The following STIM1 variants were observed in gnomAD, a reference collection of about 807,000 sequenced individuals.
STIM1 encodes the protein stromal interaction molecule 1.
Under a neutral mutation model 74.7 loss-of-function variants are expected in STIM1, and 25 were observed. That is an observed-to-expected ratio of 0.33 (90% CI 0.24 to 0.47). STIM1 has a LOEUF of 0.47. Ranked by LOEUF, STIM1 falls within the 20% of genes least tolerant of loss-of-function variation. The pLI is 1.00. For synonymous variants in STIM1, 328 were observed against 348.8 expected (o/e 0.94, Z 0.66); for missense variants, 728 against 920.8 (o/e 0.79, Z 2.71).
intron 4 of STIM1, among the ~76,000 whole-genome samples, chr11:4,057,509 C>G (rs2094299188): frequency 6.6e-6 from 1 of 152,158 alleles, no homozygotes; most frequent in Non-Finnish European, 1.5e-5. Flanking sequence ...CATTCTCTGG[C>G]TTTGCCACTT....
chr11:4,083,010 C>T, intron 9 of STIM1, 28 bp downstream of exon 9: 1 of 1,579,040 alleles, frequency 6.3e-7, no homozygotes, highest in Non-Finnish European at 8.7e-7. Flanking sequence ...TCTACTCTGG[C>T]AATGTCCATA....
intron 7 of STIM1, among the ~76,000 whole-genome samples, chr11:4,080,648 G>A (rs750536285): frequency 6.6e-6 from 1 of 151,780 alleles, no homozygotes; most frequent in Non-Finnish European, 1.5e-5. Flanking sequence ...ACAATTTTTT[G>A]TAAGATGAGG....
chr11:3,862,737 T>C (rs898959774), intron 1 of STIM1, among the ~76,000 whole-genome samples: 20 of 151,712 alleles, frequency 1.3e-4, no homozygotes, highest in South Asian at 4.2e-4. Context: ...TGAGCCACCG[T>C]GCCCAGCCAA....
At chr11:3,896,625 C>A (rs1013299714) in intron 1 of STIM1, among the ~76,000 whole-genome samples, 1 of 152,162 alleles carries the variant, frequency 6.6e-6, no homozygotes, top group African/African-American at 2.4e-5. Context: ...ATGGCAGAGA[C>A]AATGGTGCAT....
chr11:4,035,851 CT>C (rs35310625), intron 3 of STIM1, among the ~76,000 whole-genome samples: 57,531 of 123,112 alleles, frequency 0.47, 12,515 homozygotes, highest in Non-Finnish European at 0.56. Flanking sequence ...TGTTGTTTTG[CT>C]TTTTTTTTTT....
At chr11:3,912,724 C>G (rs2092585138) in intron 1 of STIM1, among the ~76,000 whole-genome samples, 1 of 152,168 alleles carries the variant, frequency 6.6e-6, no homozygotes. Context: ...GAAAGAGATT[C>G]TTAGATGCCT....
intron 2 of STIM1, among the ~76,000 whole-genome samples, chr11:4,007,332 GC>G (rs1307973956): frequency 7.2e-5 from 11 of 152,136 alleles, no homozygotes; most frequent in Non-Finnish European, 1.6e-4. Context: ...TCCAAAAGCT[GC>G]CTGTTTAGCT....
At chr11:4,071,130 G>A (rs1391680084) in intron 6 of STIM1, among the ~76,000 whole-genome samples, 1 of 152,166 alleles carries the variant, frequency 6.6e-6, no homozygotes, top group Non-Finnish European at 1.5e-5. Flanking sequence ...TCAGATCCCT[G>A]GAACCTTAAG....
chr11:4,091,433 C>T lies in STIM1; in HGVS notation c.1786C>T (p.Pro596Ser). Residue 596 changes from proline to serine, a missense_variant, in exon 13 of 13, where the codon CCA (proline) becomes TCA (serine). By Grantham distance (74) the Pro-to-Ser change is moderately conservative. Coordinates refer to ENST00000526596, the MANE Select transcript of STIM1 (RefSeq NM_001382567.1). ...GSHRLIEGVH[P>S]GSLVEKLPDS... ...CCACCGGCTGATCGAGGGGGTCCACCCAGGGTCTCTGGTGGAGAAACTGCC... is the reference window on the plus strand; with the variant it reads ...CCACCGGCTGATCGAGGGGGTCCACTCAGGGTCTCTGGTGGAGAAACTGCC... 1 of 1,614,200 alleles carries T rather than the reference C, an allele frequency of 6.2e-7. No individual in the cohort carries two copies. Among genetic ancestry groups the T allele is most frequent in the Non-Finnish European group, 8.5e-7 (1 of 1,180,026 alleles).
intron 1 of STIM1, among the ~76,000 whole-genome samples, chr11:3,883,622 G>A (rs1554952916): frequency 6.6e-6 from 1 of 152,154 alleles, no homozygotes; most frequent in Non-Finnish European, 1.5e-5. Flanking sequence ...CAAAGTGTTG[G>A]GATTACAGGC....
intron 1 of STIM1, among the ~76,000 whole-genome samples, chr11:3,881,692 T>A (rs2091508347): frequency 6.8e-6 from 1 of 148,092 alleles, no homozygotes; most frequent in Non-Finnish European, 1.5e-5. Flanking sequence ...TTTTATTTAT[T>A]TATTTTTTTG....
intron 12 of STIM1, 129 bp from the exon 13 acceptor site, chr11:4,091,153 C>A: frequency 7.7e-7 from 1 of 1,296,798 alleles, no homozygotes; most frequent in Non-Finnish European, 1.1e-6. Context: ...TTTCTCTCTC[C>A]TGCCGCTCTA....
chr11:3,886,484 C>T (rs1225124398), intron 1 of STIM1, among the ~76,000 whole-genome samples: 1 of 151,608 alleles, frequency 6.6e-6, no homozygotes, highest in Non-Finnish European at 1.5e-5. Flanking sequence ...GTCAGGAGAT[C>T]GAGACCACCC....
chr11:4,082,349 G>T lies in STIM1; in HGVS notation c.1135G>T (p.Gly379Trp), dbSNP rs201447973. Residue 379 changes from glycine to tryptophan, a missense_variant and splice_region_variant, in exon 8 of 13, where the codon GGG becomes TGG. Physicochemically the swap from Gly to Trp is radical, Grantham distance 184 (BLOSUM62 -2). This residue lies in a region of STIM1 where 131 missense variants were observed against 235.9 expected (regional missense o/e 0.56). Coordinates refer to ENST00000526596, the MANE Select transcript of STIM1 (RefSeq NM_001382567.1). ...AEKQLLVAKE[G>W]AEKIKKKRNT... is the part of the protein sequence containing the mutation. ...GAAGCAGCTGCTGGTGGCCAAGGAGGGGGTGAGAACAGCCCTTCTATTGTC... is the reference window on the plus strand; with the variant it reads ...GAAGCAGCTGCTGGTGGCCAAGGAGTGGGTGAGAACAGCCCTTCTATTGTC... The T allele has an allele frequency of 5.6e-6, 9 of 1,610,612 alleles. No homozygotes were observed. The highest frequency in any genetic ancestry group is 6.8e-6 in the Non-Finnish European group (8 of 1,178,918).
At chr11:3,937,270 A>G (rs1317346979) in intron 1 of STIM1, among the ~76,000 whole-genome samples, 1 of 142,384 alleles carries the variant, frequency 7.0e-6, no homozygotes, top group African/African-American at 2.7e-5. Context: ...CATTCTGGGC[A>G]ACAGAGCGAG....
intron 2 of STIM1, 90 bp downstream of exon 2, chr11:3,967,772 G>T: frequency 6.3e-7 from 1 of 1,577,678 alleles, no homozygotes; most frequent in Non-Finnish European, 8.7e-7. Flanking sequence ...CCTGGGGAGA[G>T]ATGTTCTCTG....
chr11:4,084,736 C>T lies in STIM1; in HGVS notation c.1538C>T (p.Ser513Leu), dbSNP rs995030712. 7 of 1,289,284 alleles carry T rather than the reference C, an allele frequency of 5.4e-6. No homozygotes were observed. The highest frequency in any genetic ancestry group is 1.5e-5 in the African/African-American group (1 of 65,850). 79.9% of individuals were successfully genotyped at this position (1,289,284 alleles called of 1,614,324 possible). Residue 513 changes from serine (S) to leucine (L), a missense_variant, in exon 11 of 13, where the codon TCG (serine) becomes TTG (leucine). By Grantham distance (145) the Ser-to-Leu change is moderately radical (BLOSUM62 -2). Around this residue, in one of 5 missense-constraint regions of STIM1, gnomAD observed 352 missense variants for 370.1 expected, o/e 0.95. Coordinates refer to ENST00000526596, the MANE Select transcript of STIM1 (RefSeq NM_001382567.1). The part of the protein sequence containing the change: ...DRSLCSTSAG[S>L]DDQSLWKYPA... ...TCTCTCTGCTCTACATCCGCCGGCTCGGATGATCAGTCCCTCTGGAAATAC... is the reference window on the plus strand; with the variant it reads ...TCTCTCTGCTCTACATCCGCCGGCTTGGATGATCAGTCCCTCTGGAAATAC...
At chr11:4,033,955 A>G (rs1348741167) in intron 3 of STIM1, among the ~76,000 whole-genome samples, 2 of 151,342 alleles carry the variant, frequency 1.3e-5, no homozygotes, top group Admixed American at 1.3e-4. Context: ...GTTGGGCCAG[A>G]TGCGGTGGCT....
intron 1 of STIM1, among the ~76,000 whole-genome samples, chr11:3,959,326 C>T (rs996828344): frequency 2.0e-5 from 3 of 152,114 alleles, no homozygotes; most frequent in Admixed American, 1.3e-4. Context: ...TTGGGAAAGT[C>T]GAAGCATTAG....
Sources: allele counts gnomAD v4.1 joint callset (sites outside exome capture counted in the v4.1 genomes callset), GRCh38; gene constraint gnomAD v4.1.1; regional missense constraint gnomAD v4.1.1; transcripts MANE v1.5; gene names NCBI Gene and HGNC (gene_info 2026-07-23, HGNC 2026-07-21).